The following UBXN11 variants were observed in gnomAD, a reference collection of about 807,000 sequenced individuals.
UBXN11 encodes UBX domain protein 11, also known as UBX domain-containing protein 11.
A neutral mutation model predicts 62.8 loss-of-function variants in UBXN11; 47 were observed. That is an observed-to-expected ratio of 0.75 (90% CI 0.59 to 0.95). UBXN11 has a LOEUF of 0.95. Among genes scored for constraint, UBXN11 ranks in the 40% least tolerant of loss-of-function variants. The pLI, the probability that UBXN11 is intolerant of heterozygous loss-of-function variation, is 0.00. For synonymous variants in UBXN11, 294 were observed against 267.0 expected (o/e 1.10, Z -0.99); for missense variants, 638 against 661.7 (o/e 0.96, Z 0.39).
intron 11 of UBXN11, 51 bp downstream of exon 11, chr1:26,284,310 GT>G: frequency 1.2e-6 from 2 of 1,612,920 alleles, no homozygotes; most frequent in Non-Finnish European, 1.7e-6. Context: ...CCCCCCTGGA[GT>G]TTGTTCTGCA....
intron 3 of UBXN11, 47 bp from the exon 4 acceptor site, chr1:26,301,071 A>C (rs757336931): frequency 4.7e-5 from 76 of 1,613,324 alleles, no homozygotes; most frequent in Non-Finnish European, 6.4e-5. Context: ...GGAGACCCAG[A>C]GGAAACTCAG....
intron 8 of UBXN11, among the ~76,000 whole-genome samples, chr1:26,289,908 C>T (rs1351432964): frequency 6.6e-6 from 1 of 152,242 alleles, no homozygotes; most frequent in East Asian, 1.9e-4. Context: ...GCAAGCCAGG[C>T]CCCGCTCTGG....
At chr1:26,285,783 A>G (rs1570085466) in intron 9 of UBXN11, 40 bp downstream of exon 9, 4 of 1,557,678 alleles carry the variant, frequency 2.6e-6, no homozygotes, top group Middle Eastern at 1.8e-4. Flanking sequence ...AGTGGGCAGC[A>G]GGGGCACTAG....
chr1:26,303,891 C>A (rs547379934), intron 1 of UBXN11, among the ~76,000 whole-genome samples: 2 of 152,196 alleles, frequency 1.3e-5, no homozygotes, highest in East Asian at 3.9e-4. Flanking sequence ...AGGAAGCACT[C>A]GTAAATGTTA....
At chr1:26,284,950 C>T in intron 10 of UBXN11, 2 of 1,001,148 alleles carry the variant, frequency 2.0e-6, no homozygotes, top group Non-Finnish European at 2.4e-6. Flanking sequence ...GACACATGCT[C>T]CCTCCCGGAC....
intron 8 of UBXN11, among the ~76,000 whole-genome samples, chr1:26,286,482 AT>A (rs2073137401): frequency 6.6e-6 from 1 of 152,134 alleles, no homozygotes; most frequent in South Asian, 2.1e-4. Flanking sequence ...CCTCCCTTCT[AT>A]CTGTGTGACC....
chr1:26,315,297 G>A (rs1206569348), intron 1 of UBXN11, among the ~76,000 whole-genome samples: 1 of 152,210 alleles, frequency 6.6e-6, no homozygotes, highest in Non-Finnish European at 1.5e-5. Flanking sequence ...GCTGGCCCCA[G>A]GCTCGTCCTG....
At position 26,282,376 on chromosome 1, in the gene UBXN11, CGGGACT is replaced by C. The variant is rs756296047; in HGVS notation, c.1480_1485del (p.Ser494_Pro495del). On this transcript the variant is annotated inframe_deletion, in exon 15 of 15. Transcript: ENST00000374222. ...CCGGGACTGGGGCCGGGACCGGGAC[CGGGACT>C]GGGGCCGGGACCGGGACCGGGACAG... 2 of 264,942 alleles carry C rather than the reference CGGGACT, an allele frequency of 7.5e-6. No individual in the cohort carries two copies. The highest frequency in any genetic ancestry group is 1.7e-4 in the Admixed American group (2 of 11,974). The allele number at this position is 264,942 out of a possible 1,614,324, so 16.4% of individuals were successfully genotyped here.
At chr1:26,318,132 G>A in exon 1 of UBXN11, 1 of 1,412,090 alleles carries the variant, frequency 7.1e-7, no homozygotes, top group Non-Finnish European at 1.0e-6. Context: ...ATGGAGGGAG[G>A]GCATACAGGA....
chr1:26,307,501 A>T (rs1478028931), upstream of UBXN11, among the ~76,000 whole-genome samples: 4 of 151,128 alleles, frequency 2.6e-5, no homozygotes, highest in Admixed American at 1.3e-4. Flanking sequence ...CATCATCATC[A>T]TCTCTTCACC....
At chr1:26,291,233 T>G (rs2124645392) in intron 8 of UBXN11, among the ~76,000 whole-genome samples, 1 of 152,198 alleles carries the variant, frequency 6.6e-6, no homozygotes, top group Non-Finnish European at 1.5e-5. Flanking sequence ...GGCCAGGCTG[T>G]GAGCCTGAGG....
In UBXN11 at chr1:26,282,872, C is replaced by T; in HGVS notation, c.1143G>A (p.Glu381=). 1 of 1,614,216 alleles carries T rather than the reference C, an allele frequency of 6.2e-7. No individual in the cohort carries two copies. The highest frequency in any genetic ancestry group is 8.5e-7 in the Non-Finnish European group (1 of 1,180,038). The part of the protein sequence containing the change: ...IVVETPTLAA[E]RERSQESPNT... ...CCTCATCCCGCCCTCACCTCTCTCGCTCAGCGGCCAAGGTGGGCGTCTCCA... is the reference window on the plus strand; with the variant it reads ...CCTCATCCCGCCCTCACCTCTCTCGTTCAGCGGCCAAGGTGGGCGTCTCCA... Residue 381 remains glutamate (E), a synonymous_variant, in exon 13 of 15, where the codon GAG becomes GAA. Transcript: ENST00000374222.
intron 1 of UBXN11, among the ~76,000 whole-genome samples, chr1:26,312,946 T>C (rs2073757520): frequency 8.7e-6 from 1 of 115,298 alleles, no homozygotes; most frequent in African/African-American, 3.5e-5. Context: ...GCCATTGCAC[T>C]CCAGACTGGG....
chr1:26,291,073 G>A (rs763234294), intron 8 of UBXN11, among the ~76,000 whole-genome samples: 31 of 152,270 alleles, frequency 2.0e-4, no homozygotes, highest in Middle Eastern at 6.8e-3. Context: ...CTCCCTAGGA[G>A]TCCCAGGCTC....
chr1:26,303,205 G>A, intron 1 of UBXN11: 1 of 233,436 alleles, frequency 4.3e-6, no homozygotes, highest in Non-Finnish European at 8.3e-6. Flanking sequence ...TGAGTCAGAA[G>A]CCTGGAACTT....
At chr1:26,313,087 C>T (rs1471891839) in intron 1 of UBXN11, among the ~76,000 whole-genome samples, 2 of 149,492 alleles carry the variant, frequency 1.3e-5, no homozygotes, top group African/African-American at 4.9e-5. Flanking sequence ...ACCTTGGATG[C>T]TGTATGATGC....
At chr1:26,285,564 AG>A in intron 9 of UBXN11, 23 bp from the exon 10 acceptor site, 1 of 1,544,410 alleles carries the variant, frequency 6.5e-7, no homozygotes, top group Non-Finnish European at 8.8e-7. Context: ...AGGAAAAGTG[AG>A]GGGGTGGCCT....
upstream of UBXN11, among the ~76,000 whole-genome samples, chr1:26,310,494 C>T (rs1337338754): frequency 6.6e-6 from 1 of 150,416 alleles, no homozygotes; most frequent in Non-Finnish European, 1.5e-5. Context: ...GCCAAGGTCG[C>T]ATCACTGCAC....
At chr1:26,303,261 G>A (rs932692539) in intron 1 of UBXN11, 3 of 165,702 alleles carry the variant, frequency 1.8e-5, no homozygotes, top group Non-Finnish European at 2.6e-5. Flanking sequence ...GAGGCTGTCC[G>A]TCCATCAGCC....
Sources: gnomAD v4.1 joint callset for allele counts (sites outside exome capture counted in the v4.1 genomes callset) on GRCh38, gnomAD v4.1.1 for gene constraint, MANE v1.5 for transcripts, NCBI Gene and HGNC (gene_info 2026-07-23, HGNC 2026-07-21) for gene names.